Variants in FARSB observed in about 807,000 individuals in gnomAD.
The protein encoded by FARSB is phenylalanyl-tRNA synthetase subunit beta.
A neutral mutation model predicts 69.6 loss-of-function variants in FARSB; 40 were observed. The ratio of observed to expected loss-of-function variants is 0.57; its 90% CI spans 0.45 to 0.75. The LOEUF is 0.75. Ranked by LOEUF, FARSB falls within the 30% of genes least tolerant of loss-of-function variation. FARSB has a pLI of 0.00. For synonymous variants in FARSB, 235 were observed against 247.2 expected (o/e 0.95, Z 0.46); for missense variants, 632 against 722.9 (o/e 0.87, Z 1.44).
chr2:222,600,210 T>G, intron 15 of FARSB, 127 bp from the exon 16 acceptor site: 1 of 697,900 alleles, frequency 1.4e-6, no homozygotes. Flanking sequence ...CAGAGAAGGA[T>G]TCAACCTCAC....
At chr2:222,644,810 AATAAT>A (rs1191829970) in intron 2 of FARSB, among the ~76,000 whole-genome samples, 1 of 152,154 alleles carries the variant, frequency 6.6e-6, no homozygotes, top group East Asian at 1.9e-4. Context: ...GAACAATTAA[AATAAT>A]ATACTATAAT....
chr2:222,646,333 T>G (rs1691856356), intron 2 of FARSB, among the ~76,000 whole-genome samples: 1 of 120,136 alleles, frequency 8.3e-6, no homozygotes, highest in South Asian at 2.4e-4. Flanking sequence ...GATAAAATCT[T>G]CTTGGGTTAT....
At chr2:222,605,179 C>CTCTCTCTCTCTG (rs1690670238) in intron 15 of FARSB, among the ~76,000 whole-genome samples, 1 of 151,832 alleles carries the variant, frequency 6.6e-6, no homozygotes, top group Non-Finnish European at 1.5e-5. Flanking sequence ...CTCTCTCTCT[C>CTCTCTCTCTCTG]TCTCTCTCTC....
intron 16 of FARSB, among the ~76,000 whole-genome samples, chr2:222,588,413 A>G (rs1489475036): frequency 1.3e-5 from 2 of 152,146 alleles, no homozygotes; most frequent in Non-Finnish European, 2.9e-5. Context: ...CATACTGAAT[A>G]GGCAAAAACT....
intron 4 of FARSB, among the ~76,000 whole-genome samples, chr2:222,640,112 T>G (rs1691682267): frequency 1.3e-5 from 2 of 152,082 alleles, no homozygotes; most frequent in East Asian, 3.8e-4. Context: ...CATTCCTAGG[T>G]TAAAAAAAAA....
intron 15 of FARSB, among the ~76,000 whole-genome samples, chr2:222,604,953 A>G (rs1690662176): frequency 6.9e-6 from 1 of 145,332 alleles, no homozygotes; most frequent in African/African-American, 2.5e-5. Context: ...CAGGGCCAGG[A>G]GCAGACAGTG....
chr2:222,638,537 C>T (rs1691640452), intron 5 of FARSB, among the ~76,000 whole-genome samples: 1 of 152,102 alleles, frequency 6.6e-6, no homozygotes, highest in Admixed American at 6.5e-5. Context: ...AGCAAGCTGA[C>T]ATATAAACTC....
chr2:222,626,962 G>A (rs990521417), intron 10 of FARSB, among the ~76,000 whole-genome samples: 7 of 152,180 alleles, frequency 4.6e-5, no homozygotes, highest in African/African-American at 1.4e-4. Flanking sequence ...CGTGAACCCA[G>A]GAGGCAGAGC....
intron 1 of FARSB, among the ~76,000 whole-genome samples, chr2:222,652,251 T>C (rs2106018672): frequency 6.6e-6 from 1 of 152,270 alleles, no homozygotes; most frequent in African/African-American, 2.4e-5. Flanking sequence ...TGTAATGGGA[T>C]GACACTTCTG....
rs1043050029 is a variant in FARSB at position 222,624,134 on chromosome 2, C to T, written c.1170+138G>A. On this transcript the variant is annotated intron_variant, in intron 12 of 16. Transcript: ENST00000281828. ...CATTTGGGCATCTGTTTTGTATCCTCTCCACAGCAAATGCCTCTCATTGCA... is the reference window on the plus strand; with the variant it reads ...CATTTGGGCATCTGTTTTGTATCCTTTCCACAGCAAATGCCTCTCATTGCA... 4 of 659,630 alleles carry T rather than the reference C, an allele frequency of 6.1e-6. No homozygotes were observed. The Admixed American group carries it at 1.0e-4, about 16-fold the overall frequency. 40.9% of individuals were successfully genotyped at this position (659,630 alleles called of 1,614,324 possible).
chr2:222,599,980 G>T lies in FARSB; in HGVS notation c.1566C>A (p.Leu522=). Residue 522 remains leucine (L), a synonymous_variant, in exon 16 of 17, where the codon CTC becomes CTA. Coordinates refer to ENST00000281828, the MANE Select transcript of FARSB (RefSeq NM_005687.5). ...HGLLDRIMQL[L]DVPPGEDKGG... is the part of the protein sequence containing the mutation. ...CCTTGTCTTCACCAGGAGGCACATC[G>T]AGCAACTGCATAATTCTGTCCAGCA... The T allele has an allele frequency of 6.2e-7, 1 of 1,610,444 alleles. No homozygotes were observed. Among genetic ancestry groups the T allele is most frequent in the South Asian group, 1.1e-5 (1 of 90,214 alleles).
chr2:222,634,327 G>C, intron 6 of FARSB, 64 bp downstream of exon 6: 2 of 1,202,856 alleles, frequency 1.7e-6, no homozygotes, highest in Non-Finnish European at 2.3e-6. Flanking sequence ...TAGTTGCAAG[G>C]CTTGACTTTG....
intron 10 of FARSB, among the ~76,000 whole-genome samples, chr2:222,627,046 A>G (rs1691295430): frequency 6.6e-6 from 1 of 151,012 alleles, no homozygotes; most frequent in Non-Finnish European, 1.5e-5. Flanking sequence ...AAAAAAGAAA[A>G]AAGAAGAAGA....
At position 222,640,881 on chromosome 2, in the gene FARSB, T is replaced by C. The variant is rs1429045794; in HGVS notation, c.320A>G (p.Lys107Arg). 6.4e-7 allele frequency: 1 copy of C among 1,554,748 alleles called. No individual in the cohort carries two copies. ...KRVMPDGKIQ[K>R]LIITEETAKI... ...TATTACCTCTTCTGTGATAATCAAT[T>C]TCTGGATTTTTCCATCAGGCATTAC... is the stretch of plus-strand genomic sequence containing the variant. The change falls in exon 4 of 17, where the codon AAA (lysine) becomes AGA (arginine). Residue 107 changes from lysine to arginine, a missense_variant. By Grantham distance (26) the Lys-to-Arg change is conservative (BLOSUM62 2). Coordinates refer to ENST00000281828, the MANE Select transcript of FARSB (RefSeq NM_005687.5).
intron 16 of FARSB, among the ~76,000 whole-genome samples, chr2:222,595,773 C>A (rs1204739532): frequency 6.6e-6 from 1 of 152,126 alleles, no homozygotes. Flanking sequence ...GCCCGGCAAC[C>A]ACATAACTGT....
At chr2:222,645,668 A>G in intron 2 of FARSB, among the ~76,000 whole-genome samples, 1 of 151,896 alleles carries the variant, frequency 6.6e-6, no homozygotes, top group East Asian at 1.9e-4. Context: ...TACAAAAGTA[A>G]TAGATTTTCT....
intron 1 of FARSB, among the ~76,000 whole-genome samples, chr2:222,655,411 C>T (rs1325654748): frequency 6.6e-6 from 1 of 152,130 alleles, no homozygotes; most frequent in Non-Finnish European, 1.5e-5. Flanking sequence ...TGGCACAACA[C>T]CTTTTCTTTC....
intron 9 of FARSB, among the ~76,000 whole-genome samples, 174 bp downstream of exon 9, chr2:222,629,939 T>C (rs1691373417): frequency 6.6e-6 from 1 of 151,960 alleles, no homozygotes; most frequent in Non-Finnish European, 1.5e-5. Context: ...TGGCATCTTC[T>C]TGTGTTGCCC....
intron 7 of FARSB, 105 bp from the exon 8 acceptor site, chr2:222,631,779 T>G: frequency 1.3e-6 from 1 of 755,784 alleles, no homozygotes; most frequent in East Asian, 2.6e-5. Context: ...GTAAAACATA[T>G]TAAAAACTAA....
Sources: allele counts gnomAD v4.1 joint callset (sites outside exome capture counted in the v4.1 genomes callset), GRCh38; gene constraint gnomAD v4.1.1; transcripts MANE v1.5; gene names NCBI Gene and HGNC (gene_info 2026-07-23, HGNC 2026-07-21).